SPPL2A: variants seen among roughly 807,000 people sequenced by gnomAD.
The protein encoded by SPPL2A is signal peptide peptidase-like 2A.
A neutral mutation model predicts 63.8 loss-of-function variants in SPPL2A; 51 were observed. That is an observed-to-expected ratio of 0.80 (90% confidence interval 0.64 to 1.01). The LOEUF (loss-of-function observed/expected upper bound fraction) is 1.01. Among genes scored for constraint, SPPL2A ranks in the 50% least tolerant of loss-of-function variants. The pLI, the probability that SPPL2A is intolerant of heterozygous loss-of-function variation, is 0.00. For synonymous variants in SPPL2A, 188 were observed against 205.8 expected (o/e 0.91, Z 0.74); for missense variants, 553 against 622.7 (o/e 0.89, Z 1.19).
rs571467974 is a variant in SPPL2A, at chr15:50,707,692, A to T, written c.*108T>A. The T allele has an allele frequency of 1.6e-6, 1 of 640,222 alleles. No individual in the cohort carries two copies. Among genetic ancestry groups the T allele is most frequent in the South Asian group, 1.9e-5 (1 of 52,652 alleles). 39.7% of individuals were successfully genotyped at this position (640,222 alleles called of 1,614,324 possible). On this transcript the variant is annotated 3_prime_UTR_variant, in exon 15 of 15. Transcript: ENST00000261854. ...CCAGCTCATAAAAATATATTTTTGC[A>T]AGCATATCATTGAAGACTCTTTCAG...
At chr15:50,751,722 C>G (rs2062908064) in intron 1 of SPPL2A, among the ~76,000 whole-genome samples, 1 of 152,176 alleles carries the variant, frequency 6.6e-6, no homozygotes, top group Non-Finnish European at 1.5e-5. Context: ...TGATCCTTAA[C>G]TAAATTTAAT....
Position 50,748,185 on chromosome 15 carries a change from G to A in SPPL2A, c.378C>T (p.Asn126=), listed in dbSNP as rs564259678. The A allele has an allele frequency of 1.3e-6, 2 of 1,484,146 alleles. No homozygotes were observed. The highest frequency in any genetic ancestry group is 1.4e-5 in the South Asian group (1 of 70,052). The allele number at this position is 1,484,146 out of a possible 1,614,324, so 91.9% of individuals were successfully genotyped here. A position where few individuals can be genotyped will look rare whatever the true frequency, so the allele number is the denominator to read the frequency against. ...TTTTCACATCAGGAAATTCAGATCT[G>A]TTACCTGAGGGAGGAAACTAAAAAA... The part of the protein sequence containing the change: ...NNSVLFPPSG[N]RSEFPDVKIL... Residue 126 remains asparagine (N), a synonymous_variant, in exon 4 of 15, where the codon AAC becomes AAT. Coordinates refer to ENST00000261854, the MANE Select transcript of SPPL2A (RefSeq NM_032802.4).
At chr15:50,719,833 T>C (rs1596378417) in intron 14 of SPPL2A, 107 bp downstream of exon 14, 1 of 712,700 alleles carries the variant, frequency 1.4e-6, no homozygotes. Context: ...GGTATTACAG[T>C]ACTTTTTGGT....
intron 9 of SPPL2A, among the ~76,000 whole-genome samples, chr15:50,731,625 T>C (rs148701069): frequency 6.6e-6 from 1 of 151,504 alleles, no homozygotes; most frequent in African/African-American, 2.4e-5. Flanking sequence ...ATTATATGAA[T>C]GATTAAAAAT....
intron 1 of SPPL2A, among the ~76,000 whole-genome samples, chr15:50,755,534 T>C (rs1027756610): frequency 8.2e-5 from 12 of 146,890 alleles, no homozygotes; most frequent in Admixed American, 7.0e-4. Context: ...GGTGAAAGGA[T>C]TGCTTGAGGC....
At chr15:50,710,976 G>A (rs1018699941) in intron 14 of SPPL2A, among the ~76,000 whole-genome samples, 1 of 151,990 alleles carries the variant, frequency 6.6e-6, no homozygotes, top group African/African-American at 2.4e-5. Context: ...CCTTTTCATT[G>A]TGCTATATGC....
At position 50,707,513 on chromosome 15, in the gene SPPL2A, T is replaced by C. The variant is rs966833823; in HGVS notation, c.*287A>G. 1 of 266,422 alleles carries C rather than the reference T, an allele frequency of 3.8e-6. No homozygotes were observed. The highest frequency in any genetic ancestry group is 2.2e-5 in the African/African-American group (1 of 45,248). 16.5% of individuals were successfully genotyped at this position (266,422 alleles called of 1,614,324 possible). On this transcript the variant is annotated 3_prime_UTR_variant, in exon 15 of 15. Transcript: ENST00000261854. ...AGAAACAGATTTCGTTAAAAAAAAG[T>C]ATAGGGGTGGGTCAAGGCATTTTTT... is the stretch of plus-strand genomic sequence containing the variant.
At chr15:50,738,247 A>C (rs1158828217) in intron 6 of SPPL2A, among the ~76,000 whole-genome samples, 1 of 151,850 alleles carries the variant, frequency 6.6e-6, no homozygotes, top group Non-Finnish European at 1.5e-5. Context: ...GACAAGAGAA[A>C]CTGAACAAAA....
At chr15:50,721,857 C>T (rs1005783621) in intron 13 of SPPL2A, among the ~76,000 whole-genome samples, 25 of 151,838 alleles carry the variant, frequency 1.6e-4, no homozygotes, top group African/African-American at 5.1e-4. Flanking sequence ...CTGCCTGCCT[C>T]GGCCTCCCAA....
intron 8 of SPPL2A, among the ~76,000 whole-genome samples, chr15:50,733,114 T>C (rs535660258): frequency 6.6e-6 from 1 of 152,158 alleles, no homozygotes; most frequent in African/African-American, 2.4e-5. Flanking sequence ...CAGACATAAG[T>C]GCATTAACAC....
chr15:50,728,403 A>G (rs4641679), intron 10 of SPPL2A, among the ~76,000 whole-genome samples: 85,677 of 149,488 alleles, frequency 0.57, 24,386 homozygotes, highest in African/African-American at 0.64. Context: ...GAGTGCAGTG[A>G]CACGATCTCG....
At chr15:50,748,992 T>C (rs2062883265) in intron 2 of SPPL2A, 122 bp from the exon 3 acceptor site, 1 of 538,820 alleles carries the variant, frequency 1.9e-6, no homozygotes, top group South Asian at 3.5e-5. Context: ...GAATTAGAAA[T>C]ATTTAGGCTT....
intron 5 of SPPL2A, among the ~76,000 whole-genome samples, chr15:50,741,965 C>G (rs1020753993): frequency 7.7e-6 from 1 of 129,148 alleles, no homozygotes; most frequent in African/African-American, 2.9e-5. Context: ...GACTCCAACT[C>G]AAAAAAAAAG....
chr15:50,702,642 T>C lies in SPPL2A; in HGVS notation c.*5158A>G, dbSNP rs1370577019. 1 of 152,220 alleles carries C rather than the reference T, an allele frequency of 6.6e-6. No homozygotes were observed. Among genetic ancestry groups the C allele is most frequent in the Non-Finnish European group, 1.5e-5 (1 of 68,042 alleles). 9.4% of individuals were successfully genotyped at this position (152,220 alleles called of 1,614,324 possible). ...AATGTTGCAGGTTAACTTTAGACATTAAAAAGATTCATATTCCAAAGGAAT... is the reference window on the plus strand; with the variant it reads ...AATGTTGCAGGTTAACTTTAGACATCAAAAAGATTCATATTCCAAAGGAAT... On this transcript the variant is annotated 3_prime_UTR_variant, in exon 15 of 15. Coordinates refer to ENST00000261854, the MANE Select transcript of SPPL2A (RefSeq NM_032802.4).
At chr15:50,751,673 C>T (rs1278805209) in intron 1 of SPPL2A, among the ~76,000 whole-genome samples, 1 of 152,138 alleles carries the variant, frequency 6.6e-6, no homozygotes, top group Non-Finnish European at 1.5e-5. Flanking sequence ...ATGTGAACAG[C>T]CCAACAGCTT....
chr15:50,743,390 G>A (rs1253281947), intron 5 of SPPL2A: 3 of 152,150 alleles, frequency 2.0e-5, no homozygotes, highest in African/African-American at 7.2e-5. Flanking sequence ...CTGCTGCCCA[G>A]GCTTGAGTGC....
chr15:50,747,799 A>G (rs1456110469), intron 4 of SPPL2A, among the ~76,000 whole-genome samples, 171 bp from the exon 5 acceptor site: 1 of 152,242 alleles, frequency 6.6e-6, no homozygotes, highest in Non-Finnish European at 1.5e-5. Flanking sequence ...GTATGATGAT[A>G]TGCTTTGGTT....
chr15:50,752,594 T>C (rs965039041), intron 1 of SPPL2A, among the ~76,000 whole-genome samples: 8 of 151,920 alleles, frequency 5.3e-5, no homozygotes, highest in Non-Finnish European at 1.2e-4. Flanking sequence ...AGTGGGCGCC[T>C]GTAATCCTAG....
intron 1 of SPPL2A, 66 bp downstream of exon 1, chr15:50,765,402 A>AGCCCCGGCCTTG (rs1405541633): frequency 7.7e-7 from 1 of 1,296,774 alleles, no homozygotes; most frequent in African/African-American, 1.5e-5. Flanking sequence ...AGGGGAAGGG[A>AGCCCCGGCCTTG]GCCCCGGCCT....
Sources: allele counts gnomAD v4.1 joint callset (sites outside exome capture counted in the v4.1 genomes callset), GRCh38; gene constraint gnomAD v4.1.1; transcripts MANE v1.5; gene names NCBI Gene and HGNC (gene_info 2026-07-23, HGNC 2026-07-21).